TRPM6: variants seen among roughly 807,000 people sequenced by gnomAD.
TRPM6 encodes channel kinase 2.
A neutral mutation model predicts 247.6 loss-of-function variants in TRPM6; 111 were observed. The observed-to-expected ratio is 0.45, with a 90% CI of 0.38 to 0.52. The LOEUF is 0.52. Ranked by LOEUF, TRPM6 falls within the 20% of genes least tolerant of loss-of-function variation. The pLI, the probability that TRPM6 is intolerant of heterozygous loss-of-function variation, is 0.00. For synonymous variants in TRPM6, 892 were observed against 853.8 expected, an observed-to-expected ratio of 1.04 and a Z score of -0.78; for missense variants, 2,126 against 2,421.5, an observed-to-expected ratio of 0.88 and a Z score of 2.56.
chr9:74,820,117 A>G, intron 9 of TRPM6, 187 bp downstream of exon 9: 1 of 637,262 alleles, frequency 1.6e-6, no homozygotes. Context: ...TCACTTAGGT[A>G]TTAAGATCTC....
rs552686301 is a variant in TRPM6 at position 74,760,206 on chromosome 9, G to A, written c.4785+1490C>T. ...CTCTAGGCCTTTGCATTCACTCACC[G>A]CTCACTCACTGACACTCCTAGAACA... On this transcript the variant is annotated intron_variant, in intron 27 of 38. Coordinates refer to ENST00000360774, the MANE Select transcript of TRPM6 (RefSeq NM_017662.5). Among the ~76,000 whole-genome samples, 5 of 152,198 alleles carry A rather than the reference G, an allele frequency of 3.3e-5. No individual in the cohort carries two copies. In the South Asian group the frequency reaches 6.2e-4, roughly 19 times the overall value.
At chr9:74,884,837 T>C (rs1379399711) in intron 1 of TRPM6, among the ~76,000 whole-genome samples, 1 of 152,098 alleles carries the variant, frequency 6.6e-6, no homozygotes, top group Non-Finnish European at 1.5e-5. Context: ...ATGTGCTCCA[T>C]CAAAATGATA....
chr9:74,810,951 G>A, intron 12 of TRPM6, 83 bp from the exon 13 acceptor site: 2 of 1,081,692 alleles, frequency 1.8e-6, no homozygotes, highest in Non-Finnish European at 2.8e-6. Context: ...GAATGCATAA[G>A]TAACTGAGAA....
intron 11 of TRPM6, 51 bp from the exon 12 acceptor site, chr9:74,812,484 A>C: frequency 6.5e-7 from 1 of 1,547,602 alleles, no homozygotes; most frequent in Non-Finnish European, 8.9e-7. Context: ...AAGTAGAAAT[A>C]ACTAAAGAAT....
intron 19 of TRPM6, among the ~76,000 whole-genome samples, chr9:74,791,941 T>A (rs1458152447): frequency 6.6e-6 from 1 of 152,156 alleles, no homozygotes; most frequent in Non-Finnish European, 1.5e-5. Flanking sequence ...GTATTTTTAG[T>A]AGAGACGGGG....
chr9:74,878,607 A>G (rs1184831609), intron 1 of TRPM6, among the ~76,000 whole-genome samples: 1 of 152,220 alleles, frequency 6.6e-6, no homozygotes, highest in Non-Finnish European at 1.5e-5. Flanking sequence ...ACACCGCCAC[A>G]TAAACGTCTT....
chr9:74,741,646 T>C (rs1380743297), intron 33 of TRPM6, among the ~76,000 whole-genome samples: 1 of 151,860 alleles, frequency 6.6e-6, no homozygotes, highest in Non-Finnish European at 1.5e-5. Context: ...TCCCAGCACT[T>C]TGGGAGTCTG....
chr9:74,788,592 A>G (rs1382199375), intron 20 of TRPM6, 22 bp downstream of exon 20: 1 of 1,613,602 alleles, frequency 6.2e-7, no homozygotes, highest in Non-Finnish European at 8.5e-7. Flanking sequence ...TGCAGAAGAT[A>G]AAGGTAGATG....
intron 36 of TRPM6, chr9:74,737,304 C>A (rs1455611007): frequency 8.4e-7 from 1 of 1,196,432 alleles, no homozygotes; most frequent in African/African-American, 1.6e-5. Flanking sequence ...ATTTGTGTCA[C>A]ATCCTTGAGC....
chr9:74,741,900 AT>A (rs1170963575), intron 33 of TRPM6, among the ~76,000 whole-genome samples: 31 of 143,536 alleles, frequency 2.2e-4, no homozygotes, highest in Middle Eastern at 3.6e-3. Flanking sequence ...CAAAAAAAAA[AT>A]AAAAATAAAA....
At chr9:74,880,108 G>T (rs191132354) in intron 1 of TRPM6, among the ~76,000 whole-genome samples, 1 of 152,070 alleles carries the variant, frequency 6.6e-6, no homozygotes, top group Non-Finnish European at 1.5e-5. Context: ...GATTGTTGTG[G>T]TGTAAAAGTA....
intron 9 of TRPM6, among the ~76,000 whole-genome samples, chr9:74,819,709 A>G (rs1011403559): frequency 9.2e-5 from 14 of 152,184 alleles, no homozygotes; most frequent in African/African-American, 3.4e-4. Flanking sequence ...GCTGTGAGGC[A>G]GTCATGTAAC....
intron 7 of TRPM6, among the ~76,000 whole-genome samples, chr9:74,823,539 G>A (rs1829206800): frequency 6.6e-6 from 1 of 151,898 alleles, no homozygotes. Flanking sequence ...TAGTTGCTTT[G>A]ACATTCTACT....
At chr9:74,864,972 C>T (rs1050381943) in intron 1 of TRPM6, among the ~76,000 whole-genome samples, 2 of 151,592 alleles carry the variant, frequency 1.3e-5, no homozygotes, top group African/African-American at 4.9e-5. Flanking sequence ...ACTCAGGAGG[C>T]TGAGGCAAGA....
intron 14 of TRPM6, among the ~76,000 whole-genome samples, chr9:74,805,307 C>T (rs540574276): frequency 6.8e-4 from 103 of 152,256 alleles, no homozygotes; most frequent in Non-Finnish European, 9.7e-4. Flanking sequence ...CAAACCTATG[C>T]TCTGTAATGC....
At position 74,854,935 on chromosome 9, in the gene TRPM6, T is replaced by C. The variant is rs138788184; in HGVS notation, c.152+592A>G. Among the ~76,000 whole-genome samples the C allele has an allele frequency of 4.2e-3, 644 of 152,354 alleles. 7 individuals carry two copies. Among genetic ancestry groups the C allele is most frequent in the African/African-American group, 0.015 (609 of 41,588 alleles). The stretch of plus-strand genomic sequence containing the variant: ...CTCAAGCAGTCCATCCACCTTGGCC[T>C]CCCAGAATCCTGGGATAACAGGTGT... On this transcript the variant is annotated intron_variant, in intron 3 of 38. Transcript: ENST00000360774.
chr9:74,783,715 G>A (rs1827542973), intron 21 of TRPM6, among the ~76,000 whole-genome samples: 1 of 152,116 alleles, frequency 6.6e-6, no homozygotes, highest in Non-Finnish European at 1.5e-5. Context: ...ATCTCATAAA[G>A]ACTAATGTCA....
chr9:74,800,473 G>A lies in TRPM6; in HGVS notation c.2019C>T (p.Gly673=), dbSNP rs1383319461. 1 of 1,613,736 alleles carries A rather than the reference G, an allele frequency of 6.2e-7. No homozygotes were observed. Among genetic ancestry groups the A allele is most frequent in the Non-Finnish European group, 8.5e-7 (1 of 1,179,868 alleles). The change falls in exon 17 of 39, where the codon GGC becomes GGT. Residue 673 remains glycine (G), a synonymous_variant. Coordinates refer to ENST00000360774, the MANE Select transcript of TRPM6 (RefSeq NM_017662.5). The stretch of plus-strand genomic sequence containing the variant: ...TCTCCAACAAGTCCAGAGCCAGCTG[G>A]CCAAACTGTCTGCCATGAGGGTGGC... ...EELKNYSKQF[G]QLALDLLEKA... is the part of the protein sequence containing the mutation.
intron 28 of TRPM6, among the ~76,000 whole-genome samples, chr9:74,753,201 T>C (rs12551900): frequency 0.25 from 37,303 of 151,862 alleles, 5,801 homozygotes; most frequent in Admixed American, 0.39. Flanking sequence ...GGTTCATTAC[T>C]GTTATTCTTT....
Sources: allele counts gnomAD v4.1 joint callset (sites outside exome capture counted in the v4.1 genomes callset), GRCh38; gene constraint gnomAD v4.1.1; transcripts MANE v1.5; gene names NCBI Gene and HGNC (gene_info 2026-07-23, HGNC 2026-07-21).